Variants in DYNC2LI1 observed in about 807,000 individuals in gnomAD.
DYNC2LI1 encodes dynein cytoplasmic 2 light intermediate chain 1, also known as cytoplasmic dynein 2 light intermediate chain 1.
In DYNC2LI1, 45 loss-of-function variants were observed where a neutral mutation model predicts 51.9. The observed-to-expected ratio is 0.87, with a 90% confidence interval of 0.68 to 1.11. The LOEUF is 1.11. Among genes scored for constraint, DYNC2LI1 ranks in the 50% most tolerant of loss-of-function variants. The pLI, the probability that DYNC2LI1 is intolerant of heterozygous loss-of-function variation, is 0.00. For synonymous variants in DYNC2LI1, 130 were observed against 137.8 expected (o/e 0.94, Z 0.40); for missense variants, 490 against 417.4 (o/e 1.17, Z -1.51).
At chr2:43,819,763 C>G in the DYNC2LI1 span, 1 of 827,788 alleles carries the variant, frequency 1.2e-6, no homozygotes, top group Admixed American at 2.2e-5. Flanking sequence ...AGGTCTAAGG[C>G]AATGATTAAC....
intron 4 of DYNC2LI1, among the ~76,000 whole-genome samples, chr2:43,787,452 A>G (rs545917317): frequency 1.3e-5 from 2 of 152,340 alleles, no homozygotes. Flanking sequence ...CTTCTCATTT[A>G]TTATGTCTTA....
rs1228554569 is a variant in DYNC2LI1 at position 43,775,426 on chromosome 2, T to C, written c.8+1280T>C. On this transcript the variant is annotated intron_variant, in intron 1 of 12. Coordinates refer to ENST00000260605, the MANE Select transcript of DYNC2LI1 (RefSeq NM_016008.4). ...TATCGTGTAAAGTTATATATCTGTGTAAAGAAATCAATGAAAGGATTGTTT... is the reference window on the plus strand; with the variant it reads ...TATCGTGTAAAGTTATATATCTGTGCAAAGAAATCAATGAAAGGATTGTTT... Among the ~76,000 whole-genome samples the C allele has an allele frequency of 2.6e-5, 4 of 152,114 alleles. No individual in the cohort carries two copies. The East Asian group carries it at 5.8e-4, about 22-fold the overall frequency.
At chr2:43,804,177 A>G (rs1666163006) in intron 10 of DYNC2LI1, among the ~76,000 whole-genome samples, 2 of 152,108 alleles carry the variant, frequency 1.3e-5, no homozygotes, top group South Asian at 4.1e-4. Context: ...TCTATTTCTT[A>G]TTTTAACTGT....
downstream of DYNC2LI1, chr2:43,814,556 G>A (rs374040301): frequency 6.2e-7 from 1 of 1,605,760 alleles, no homozygotes; most frequent in Non-Finnish European, 8.5e-7. Flanking sequence ...AATAACTGAT[G>A]ATTTTAAAAG....
chr2:43,822,585 T>G, the DYNC2LI1 span: 1 of 985,156 alleles, frequency 1.0e-6, no homozygotes, highest in Non-Finnish European at 1.2e-6. Flanking sequence ...TGTCATCTTG[T>G]TGGTTTGTTC....
intron 5 of DYNC2LI1, among the ~76,000 whole-genome samples, chr2:43,791,942 AC>A (rs1180194428): frequency 6.6e-6 from 1 of 152,190 alleles, no homozygotes; most frequent in Non-Finnish European, 1.5e-5. Context: ...TATACTGTAA[AC>A]AAAAATTTTA....
chr2:43,785,980 A>G (rs750148806), intron 3 of DYNC2LI1, among the ~76,000 whole-genome samples: 1 of 152,126 alleles, frequency 6.6e-6, no homozygotes, highest in Non-Finnish European at 1.5e-5. Context: ...GTTCTTTACC[A>G]TAATAAAAAA....
intron 3 of DYNC2LI1, among the ~76,000 whole-genome samples, chr2:43,786,888 G>A (rs1482347467): frequency 6.6e-6 from 1 of 152,134 alleles, no homozygotes; most frequent in African/African-American, 2.4e-5. Context: ...TGGCCTGGAT[G>A]TAGAGATCTT....
At chr2:43,818,480 A>C in the DYNC2LI1 span, among the ~76,000 whole-genome samples, 1 of 152,208 alleles carries the variant, frequency 6.6e-6, no homozygotes, top group Non-Finnish European at 1.5e-5. Flanking sequence ...CGGTTTCTAC[A>C]GAACGAGTAT....
intron 11 of DYNC2LI1, 76 bp downstream of exon 11, chr2:43,804,815 T>A (rs1420994803): frequency 1.2e-6 from 1 of 859,370 alleles, no homozygotes; most frequent in East Asian, 2.7e-5. Context: ...TCAAAGGGCT[T>A]ATTATGATAA....
chr2:43,820,319 C>T, the DYNC2LI1 span, among the ~76,000 whole-genome samples: 1,873 of 152,272 alleles, frequency 0.012, 45 homozygotes, highest in African/African-American at 0.041. Flanking sequence ...TGGGAGCCAC[C>T]TTTTCCCTTT....
the DYNC2LI1 span, chr2:43,822,485 C>CCCCCG: frequency 6.5e-6 from 6 of 925,836 alleles, no homozygotes; most frequent in African/African-American, 1.1e-4. Context: ...CAGGCCCCCC[C>CCCCCG]CCATGCACCT....
chr2:43,801,203 C>G, intron 9 of DYNC2LI1: 1 of 154,278 alleles, frequency 6.5e-6, no homozygotes, highest in East Asian at 1.8e-4. Context: ...TTAAATATTT[C>G]TTAAATTTTA....
chr2:43,815,521 G>T, the DYNC2LI1 span, among the ~76,000 whole-genome samples: 1 of 152,174 alleles, frequency 6.6e-6, no homozygotes, highest in African/African-American at 2.4e-5. Context: ...CTATTTGCAA[G>T]GTGTCCTCAA....
chr2:43,801,849 A>G, intron 10 of DYNC2LI1, 140 bp downstream of exon 10: 2 of 607,960 alleles, frequency 3.3e-6, no homozygotes, highest in South Asian at 4.4e-5. Context: ...GTTTGTTTAT[A>G]TGCCCAGTAT....
Position 43,789,732 on chromosome 2 carries a change from C to T in DYNC2LI1, c.320+11C>T. 1 of 1,610,286 alleles carries T rather than the reference C, an allele frequency of 6.2e-7. No homozygotes were observed. The highest frequency in any genetic ancestry group is 8.5e-7 in the Non-Finnish European group (1 of 1,177,986). On this transcript the variant is annotated intron_variant, in intron 5 of 12. Coordinates refer to ENST00000260605, the MANE Select transcript of DYNC2LI1 (RefSeq NM_016008.4). ...AGGTGACACCTTACGGTAAGTGAGC[C>T]AGCTCCAGGAAAACCTGTAAGTACA...
chr2:43,817,491 GAAAC>G, the DYNC2LI1 span, among the ~76,000 whole-genome samples: 7 of 150,756 alleles, frequency 4.6e-5, no homozygotes, highest in Admixed American at 4.6e-4. Flanking sequence ...TCTGCGTCAA[GAAAC>G]AAACAAAAAT....
chr2:43,800,089 C>T (rs1666025157), intron 8 of DYNC2LI1, among the ~76,000 whole-genome samples: 1 of 152,198 alleles, frequency 6.6e-6, no homozygotes, highest in Non-Finnish European at 1.5e-5. Context: ...TTCCATACCT[C>T]TTAGTCATTT....
At chr2:43,828,095 C>G in the DYNC2LI1 span, 1 of 1,614,078 alleles carries the variant, frequency 6.2e-7, no homozygotes, top group Non-Finnish European at 8.5e-7. Context: ...TCAGACTCAG[C>G]TCTGCCATGA....
Sources: gnomAD v4.1 joint callset for allele counts (sites outside exome capture counted in the v4.1 genomes callset) on GRCh38, gnomAD v4.1.1 for gene constraint, MANE v1.5 for transcripts, NCBI Gene and HGNC (gene_info 2026-07-23, HGNC 2026-07-21) for gene names.